The following AFAP1L2 variants were observed in gnomAD, a reference collection of about 807,000 sequenced individuals.
The protein encoded by AFAP1L2 is actin filament associated protein 1 like 2.
In AFAP1L2, 46 loss-of-function variants were observed where a neutral mutation model predicts 99.3. The ratio of observed to expected loss-of-function variants is 0.46; its 90% confidence interval spans 0.37 to 0.59. The LOEUF is 0.59. Among genes scored for constraint, AFAP1L2 ranks in the 20% least tolerant of loss-of-function variants. The pLI, the probability that AFAP1L2 is intolerant of heterozygous loss-of-function variation, is 0.00. For missense variants in AFAP1L2, 959 were observed against 1,034.9 expected (o/e 0.93, Z 1.01); for synonymous variants, 397 against 419.1 (o/e 0.95, Z 0.64).
At chr10:114,331,481 C>T (rs568531373) in intron 4 of AFAP1L2, among the ~76,000 whole-genome samples, 1 of 152,240 alleles carries the variant, frequency 6.6e-6, no homozygotes, top group African/African-American at 2.4e-5. Context: ...TTTTAAAGGT[C>T]ACTGTGGTCT....
At chr10:114,321,968 G>C (rs12764591) in intron 5 of AFAP1L2, among the ~76,000 whole-genome samples, 1 of 152,160 alleles carries the variant, frequency 6.6e-6, no homozygotes, top group African/African-American at 2.4e-5. Flanking sequence ...TAATTCTCAC[G>C]TGTCATGGGA....
chr10:114,310,478 G>T (rs567032671), intron 7 of AFAP1L2, 35 bp from the exon 8 acceptor site: 2 of 1,595,328 alleles, frequency 1.3e-6, no homozygotes. Flanking sequence ...CAGAGGCTGA[G>T]GTCCTCTGGC....
At chr10:114,402,849 A>AC (rs2058351121) in intron 1 of AFAP1L2, among the ~76,000 whole-genome samples, 1 of 151,690 alleles carries the variant, frequency 6.6e-6, no homozygotes, top group Non-Finnish European at 1.5e-5. Context: ...CACCACCCCC[A>AC]CCCCCATACA....
In AFAP1L2 at chr10:114,316,506, T is replaced by G. The variant is rs181449453; in HGVS notation, c.407-741A>C. The stretch of plus-strand genomic sequence containing the variant: ...TGCCTAATACCTCCTGGCACAAATG[T>G]AGCTCCTTTTACTAGTGTCTAACTT... On this transcript the variant is annotated intron_variant, in intron 5 of 18. Transcript: ENST00000304129. Among the ~76,000 whole-genome samples the G allele has an allele frequency of 2.3e-4, 35 of 152,354 alleles. No individual in the cohort carries two copies. The South Asian group carries it at 2.9e-3, about 13-fold the overall frequency.
At chr10:114,333,433 A>AC in intron 2 of AFAP1L2, 138 bp from the exon 3 acceptor site, 1 of 658,712 alleles carries the variant, frequency 1.5e-6, no homozygotes, top group Admixed American at 2.7e-5. Context: ...GTGGATTGAA[A>AC]GAATAGTCCA....
At chr10:114,311,292 G>A (rs956019805) in intron 7 of AFAP1L2, among the ~76,000 whole-genome samples, 1 of 152,264 alleles carries the variant, frequency 6.6e-6, no homozygotes, top group South Asian at 2.1e-4. Context: ...CTTGCCGGGG[G>A]AACTCCCAGG....
In AFAP1L2 at chr10:114,349,186, C is replaced by A. The variant is rs146757856; in HGVS notation, c.17-8455G>T. Among the ~76,000 whole-genome samples the A allele has an allele frequency of 2.3e-3, 347 of 151,558 alleles. 2 individuals are homozygous for A. Among genetic ancestry groups the A allele is most frequent in the Admixed American group, 3.9e-3 (60 of 15,196 alleles). ...TGAGGTCAAGGGTTTGAGACCAGCC[C>A]GGCCAACATGGCAAAACCCCGCCTC... On this transcript the variant is annotated intron_variant, in intron 1 of 18. Transcript: ENST00000304129.
At chr10:114,302,605 A>G (rs1589953947) in intron 11 of AFAP1L2, 121 bp from the exon 12 acceptor site, 1 of 1,243,780 alleles carries the variant, frequency 8.0e-7, no homozygotes, top group Middle Eastern at 2.7e-4. Context: ...CCTCTGTAAC[A>G]GCCCGGGGCT....
chr10:114,311,986 C>T (rs1235542695), intron 7 of AFAP1L2, among the ~76,000 whole-genome samples: 2 of 152,192 alleles, frequency 1.3e-5, no homozygotes, highest in African/African-American at 4.8e-5. Context: ...TGAGAGCAGG[C>T]ATTTCCAGCC....
At chr10:114,373,915 C>A (rs1565024733) in intron 1 of AFAP1L2, among the ~76,000 whole-genome samples, 1 of 152,126 alleles carries the variant, frequency 6.6e-6, no homozygotes, top group Non-Finnish European at 1.5e-5. Flanking sequence ...ATCAGCACAG[C>A]CTAGGTCCAC....
At chr10:114,315,862 C>A (rs1254540437) in intron 5 of AFAP1L2, 97 bp from the exon 6 acceptor site, 1 of 1,198,456 alleles carries the variant, frequency 8.3e-7, no homozygotes, top group East Asian at 2.6e-5. Context: ...CAGCAGCAGC[C>A]AGACCACAGC....
intron 6 of AFAP1L2, 74 bp from the exon 7 acceptor site, chr10:114,314,124 C>T (rs145601026): frequency 5.4e-6 from 8 of 1,473,384 alleles, no homozygotes; most frequent in East Asian, 2.3e-5. Flanking sequence ...AAGGAGGGGC[C>T]GCTGGACGTT....
At chr10:114,353,850 AG>A (rs934857098) in intron 1 of AFAP1L2, among the ~76,000 whole-genome samples, 4 of 152,166 alleles carry the variant, frequency 2.6e-5, no homozygotes, top group African/African-American at 9.7e-5. Context: ...TAGAAAAAAA[AG>A]GGTGGAAATG....
rs1217023990 is a variant in AFAP1L2 at position 114,297,345 on chromosome 10, T to TCTCCTCGCCCCGGCA, written c.2167_2181dup (p.Cys723_Glu727dup). On this transcript the variant is annotated inframe_insertion, in exon 17 of 19. Coordinates refer to ENST00000304129, the MANE Select transcript of AFAP1L2 (RefSeq NM_001001936.3). ...CTGAGCTCCAGGTCCACGCGCCTGC[T>TCTCCTCGCCCCGGCA]CTCCTCGCCCCGGCACTCCTCGTCA... 1.2e-5 allele frequency: 19 copies of TCTCCTCGCCCCGGCA among 1,613,794 alleles called. No individual in the cohort carries two copies. Among genetic ancestry groups the TCTCCTCGCCCCGGCA allele is most frequent in the Non-Finnish European group, 1.5e-5 (18 of 1,180,018 alleles).
intron 2 of AFAP1L2, among the ~76,000 whole-genome samples, chr10:114,335,311 A>T (rs548328028): frequency 2.5e-4 from 38 of 151,032 alleles, no homozygotes; most frequent in African/African-American, 2.2e-4. Flanking sequence ...TTTTTTTTTT[A>T]AAAAAAGAAT....
intron 1 of AFAP1L2, among the ~76,000 whole-genome samples, chr10:114,366,284 T>C (rs2053237205): frequency 6.6e-6 from 1 of 152,130 alleles, no homozygotes; most frequent in Non-Finnish European, 1.5e-5. Context: ...GTAAAAGGCA[T>C]GCTTGGTAGG....
intron 1 of AFAP1L2, among the ~76,000 whole-genome samples, chr10:114,381,475 T>C (rs551686590): frequency 6.0e-4 from 91 of 152,296 alleles, no homozygotes; most frequent in African/African-American, 2.1e-3. Context: ...ACTGTGATGA[T>C]GGTGGCCCAT....
rs1564871001 is a variant in AFAP1L2, at chr10:114,324,404, C to CTG, written c.316-1144_316-1143insCA. Among the ~76,000 whole-genome samples the CTG allele has an allele frequency of 1.4e-5, 2 of 141,522 alleles. 1 individual carries two copies. Among genetic ancestry groups the CTG allele is most frequent in the Non-Finnish European group, 3.1e-5 (2 of 65,370 alleles). The allele number at this position is 141,522 out of a possible 152,430, so 92.8% of individuals were successfully genotyped here. On this transcript the variant is annotated intron_variant, in intron 4 of 18. Transcript: ENST00000304129. ...GATTACAGGGGTGCACCACCCCCCC[C>CTG]CCCCCCCCGGCTAATTTTTGTATTT...
At chr10:114,383,553 A>G (rs79017735) in intron 1 of AFAP1L2, among the ~76,000 whole-genome samples, 1 of 152,348 alleles carries the variant, frequency 6.6e-6, no homozygotes, top group East Asian at 1.9e-4. Flanking sequence ...CATATTTTAT[A>G]ATAAGCATGT....
Sources: gnomAD v4.1 joint callset for allele counts (sites outside exome capture counted in the v4.1 genomes callset) on GRCh38, gnomAD v4.1.1 for gene constraint, MANE v1.5 for transcripts, NCBI Gene and HGNC (gene_info 2026-07-23, HGNC 2026-07-21) for gene names.